The following PDSS2 variants were observed in gnomAD, a reference collection of about 807,000 sequenced individuals.
PDSS2 encodes decaprenyl diphosphate synthase subunit 2.
In PDSS2, 31 loss-of-function variants were observed where a neutral mutation model predicts 44.5. That is an observed-to-expected ratio of 0.70 (90% CI 0.52 to 0.94). The LOEUF (loss-of-function observed/expected upper bound fraction) is 0.94, where lower values mean the gene tolerates loss of function less well. Ranked by LOEUF, PDSS2 falls within the 40% of genes least tolerant of loss-of-function variation. The pLI, the probability that PDSS2 is intolerant of heterozygous loss-of-function variation, is 0.00. For missense variants in PDSS2, 452 were observed against 482.2 expected, an observed-to-expected ratio of 0.94 and a Z score of 0.59; for synonymous variants, 157 against 180.3, an observed-to-expected ratio of 0.87 and a Z score of 1.03.
At chr6:107,394,222 G>A (rs74813317) in intron 1 of PDSS2, among the ~76,000 whole-genome samples, 15,619 of 152,086 alleles carry the variant, frequency 0.1, 960 homozygotes, top group South Asian at 0.19. Flanking sequence ...TGGAGTATAT[G>A]TATTTTACTT....
At chr6:107,315,248 T>C (rs1297673341) in intron 2 of PDSS2, among the ~76,000 whole-genome samples, 1 of 152,188 alleles carries the variant, frequency 6.6e-6, no homozygotes, top group Non-Finnish European at 1.5e-5. Context: ...AAGGCAGATC[T>C]TGGAATAAGT....
intron 1 of PDSS2, among the ~76,000 whole-genome samples, chr6:107,409,580 C>G (rs1780427070): frequency 1.3e-5 from 2 of 152,156 alleles, no homozygotes; most frequent in South Asian, 2.1e-4. Context: ...CAAGGAGAGT[C>G]AGAATTCTTC....
At chr6:107,353,772 TTAGATA>T (rs1334088774) in intron 1 of PDSS2, among the ~76,000 whole-genome samples, 1 of 152,098 alleles carries the variant, frequency 6.6e-6, no homozygotes, top group African/African-American at 2.4e-5. Context: ...AAATATCAGC[TTAGATA>T]TAAATGAATT....
At chr6:107,191,731 C>T (rs1168768757) in intron 7 of PDSS2, among the ~76,000 whole-genome samples, 1 of 152,198 alleles carries the variant, frequency 6.6e-6, no homozygotes, top group Non-Finnish European at 1.5e-5. Flanking sequence ...CCATCTCAGC[C>T]TCCCAGGTAG....
chr6:107,408,378 G>A (rs867711486), intron 1 of PDSS2, among the ~76,000 whole-genome samples: 6 of 152,088 alleles, frequency 3.9e-5, no homozygotes, highest in Admixed American at 6.6e-5. Flanking sequence ...GACATCCATT[G>A]CTATTCAAAA....
intron 1 of PDSS2, among the ~76,000 whole-genome samples, chr6:107,396,678 CTTTTT>C (rs950671310): frequency 1.3e-4 from 10 of 79,334 alleles, no homozygotes; most frequent in African/African-American, 4.0e-4. Context: ...CTTCTTTTTT[CTTTTT>C]TTTTTTTTTT....
At position 107,456,028 on chromosome 6, in the gene PDSS2, A is replaced by G. The variant is rs530576612; in HGVS notation, c.296+2962T>C. Reference sequence around the variant, plus strand: ...ATGCAACAACCCAAATGTTAATTACAAGATGACTGTGAGGCCCGGCGTGGT... The same window carrying G: ...ATGCAACAACCCAAATGTTAATTACGAGATGACTGTGAGGCCCGGCGTGGT... On this transcript the variant is annotated intron_variant, in intron 1 of 7. Transcript: ENST00000369037. Among the ~76,000 whole-genome samples the G allele has an allele frequency of 3.9e-5, 6 of 152,288 alleles. No individual in the cohort carries two copies. In the South Asian group the frequency reaches 1.2e-3, roughly 32 times the overall value.
At chr6:107,264,633 A>G in intron 3 of PDSS2, 1 of 620,816 alleles carries the variant, frequency 1.6e-6, no homozygotes, top group Non-Finnish European at 2.8e-6. Context: ...ACACAGTCTT[A>G]TTTGCACTGT....
At chr6:107,379,378 T>C (rs1474848021) in intron 1 of PDSS2, among the ~76,000 whole-genome samples, 1 of 152,236 alleles carries the variant, frequency 6.6e-6, no homozygotes, top group Non-Finnish European at 1.5e-5. Flanking sequence ...ATGTATTTTC[T>C]ATTATCAGAA....
At chr6:107,312,624 G>A (rs1777078756) in intron 2 of PDSS2, among the ~76,000 whole-genome samples, 1 of 152,130 alleles carries the variant, frequency 6.6e-6, no homozygotes. Flanking sequence ...AACAGGGCCT[G>A]GCTGTTAATA....
rs1007616190 is a variant in PDSS2 at position 107,330,513 on chromosome 6, C to T, written c.431+3685G>A. Among the ~76,000 whole-genome samples, 6 of 151,952 alleles carry T rather than the reference C, an allele frequency of 3.9e-5. 1 individual carries two copies. The highest frequency in any genetic ancestry group is 2.0e-4 in the Admixed American group (3 of 15,236). ...TTGAGTCAGTTCTTGATAAAACAAC[C>T]GAGAAAGTGGAACCATCAGCCAAAA... On this transcript the variant is annotated intron_variant, in intron 2 of 7. Coordinates refer to ENST00000369037, the MANE Select transcript of PDSS2 (RefSeq NM_020381.4).
At chr6:107,155,693 C>T (rs1554245473) in intron 7 of PDSS2, among the ~76,000 whole-genome samples, 1 of 150,776 alleles carries the variant, frequency 6.6e-6, no homozygotes, top group Non-Finnish European at 1.5e-5. Flanking sequence ...GATTATCCTG[C>T]CTCAGCCTCC....
intron 2 of PDSS2, among the ~76,000 whole-genome samples, chr6:107,305,969 C>T (rs1039141944): frequency 2.0e-5 from 3 of 152,150 alleles, no homozygotes; most frequent in Admixed American, 2.0e-4. Flanking sequence ...ATCATCTAAC[C>T]TGGTACCTCA....
intron 1 of PDSS2, among the ~76,000 whole-genome samples, chr6:107,431,440 A>C (rs9373949): frequency 0.14 from 20,699 of 152,032 alleles, 1,578 homozygotes; most frequent in East Asian, 0.25. Flanking sequence ...AGTAGAGACA[A>C]GGTCTTGCCA....
At chr6:107,215,966 G>C (rs1431865917) in intron 4 of PDSS2, among the ~76,000 whole-genome samples, 2 of 151,866 alleles carry the variant, frequency 1.3e-5, no homozygotes, top group Non-Finnish European at 2.9e-5. Context: ...GTGAAATCCC[G>C]TCTCTACCAA....
In PDSS2 at chr6:107,377,888, G is replaced by A. The variant is rs149319645; in HGVS notation, c.297-43556C>T. On this transcript the variant is annotated intron_variant, in intron 1 of 7. Coordinates refer to ENST00000369037, the MANE Select transcript of PDSS2 (RefSeq NM_020381.4). ...ACATCACACTCTGGGGACTGTTGTG[G>A]GGTAGGGGTAAGGGGGAGGGATAGC... Among the ~76,000 whole-genome samples, 1,036 of 152,026 alleles carry A rather than the reference G, an allele frequency of 6.8e-3. 4 individuals carry two copies. The highest frequency in any genetic ancestry group is 0.011 in the Non-Finnish European group (722 of 68,018).
intron 4 of PDSS2, among the ~76,000 whole-genome samples, chr6:107,225,159 ATATTTTTTTTTTTTT>A (rs1398978133): frequency 0.014 from 660 of 46,538 alleles, 7 homozygotes; most frequent in African/African-American, 0.023. Context: ...ATATATATAT[ATATTTTTTTTTTTTT>A]TTTTTTTTTT....
At chr6:107,167,959 C>T (rs200244826) in intron 7 of PDSS2, among the ~76,000 whole-genome samples, 1 of 152,116 alleles carries the variant, frequency 6.6e-6, no homozygotes, top group Admixed American at 6.6e-5. Flanking sequence ...TTCTGTTGAT[C>T]TGGGGTGGAG....
intron 1 of PDSS2, among the ~76,000 whole-genome samples, chr6:107,446,243 G>C (rs1312716215): frequency 6.6e-6 from 1 of 152,004 alleles, no homozygotes; most frequent in Non-Finnish European, 1.5e-5. Context: ...TTGAACCCAG[G>C]AGGTGGAGGT....
Sources: allele counts gnomAD v4.1 joint callset (sites outside exome capture counted in the v4.1 genomes callset), GRCh38; gene constraint gnomAD v4.1.1; transcripts MANE v1.5; gene names NCBI Gene and HGNC (gene_info 2026-07-23, HGNC 2026-07-21).